LRRC4C: variants seen among roughly 807,000 people sequenced by gnomAD.
The protein encoded by LRRC4C is leucine rich repeat containing 4C, also known as leucine-rich repeat-containing protein 4C.
A neutral mutation model predicts 33.6 loss-of-function variants in LRRC4C; 5 were observed. The ratio of observed to expected loss-of-function variants is 0.15; its 90% CI spans 0.08 to 0.31. LRRC4C has a LOEUF of 0.31. Ranked by LOEUF, LRRC4C falls within the 10% of genes least tolerant of loss-of-function variation. The probability of loss-of-function intolerance (pLI) is 1.00; values close to 1 mark genes in which losing one functional copy is unlikely to be tolerated. For missense variants in LRRC4C, 560 were observed against 796.7 expected, an observed-to-expected ratio of 0.70 and a Z score of 3.58; for synonymous variants, 329 against 302.0, an observed-to-expected ratio of 1.09 and a Z score of -0.93.
intron 2 of LRRC4C, among the ~76,000 whole-genome samples, chr11:40,705,239 G>T (rs540712336): frequency 2.6e-5 from 4 of 151,988 alleles, no homozygotes; most frequent in African/African-American, 9.7e-5. Context: ...TAAGTTCTAG[G>T]ATACATGTGC....
intron 3 of LRRC4C, among the ~76,000 whole-genome samples, chr11:40,345,137 T>C (rs1590383287): frequency 6.6e-6 from 1 of 152,256 alleles, no homozygotes; most frequent in East Asian, 1.9e-4. Flanking sequence ...ATTGAATTTA[T>C]AGATTCAATG....
intron 1 of LRRC4C, among the ~76,000 whole-genome samples, chr11:41,240,177 A>G (rs1384058614): frequency 6.6e-6 from 1 of 152,212 alleles, no homozygotes; most frequent in African/African-American, 2.4e-5. Context: ...GGAAAACTTT[A>G]GATTTTTTGT....
chr11:40,387,599 A>G (rs1275013071), intron 3 of LRRC4C, among the ~76,000 whole-genome samples: 1 of 152,174 alleles, frequency 6.6e-6, no homozygotes, highest in African/African-American at 2.4e-5. Context: ...TGATTTCTGT[A>G]GACACTGAAG....
intron 5 of LRRC4C, among the ~76,000 whole-genome samples, chr11:40,180,754 T>C (rs1472976288): frequency 1.3e-5 from 2 of 152,232 alleles, no homozygotes; most frequent in Non-Finnish European, 2.9e-5. Context: ...GATGTTTGCA[T>C]GCATGTGTGT....
chr11:40,885,757 A>G (rs1187724502), intron 2 of LRRC4C, among the ~76,000 whole-genome samples: 1 of 152,150 alleles, frequency 6.6e-6, no homozygotes, highest in Admixed American at 6.6e-5. Flanking sequence ...TAGTCAGAGT[A>G]CTTATCATTC....
At chr11:40,680,493 G>C (rs1197330525) in intron 2 of LRRC4C, among the ~76,000 whole-genome samples, 1 of 152,178 alleles carries the variant, frequency 6.6e-6, no homozygotes, top group Admixed American at 6.5e-5. Context: ...CCTGTTGTTC[G>C]AGGGACCCAG....
At chr11:41,277,882 G>A (rs1352430351) in intron 1 of LRRC4C, among the ~76,000 whole-genome samples, 1 of 151,784 alleles carries the variant, frequency 6.6e-6, no homozygotes, top group East Asian at 1.9e-4. Flanking sequence ...GAATCACCTG[G>A]CATTTTGGTT....
At chr11:40,334,519 C>T (rs1393045340) in intron 3 of LRRC4C, among the ~76,000 whole-genome samples, 1 of 152,132 alleles carries the variant, frequency 6.6e-6, no homozygotes, top group Non-Finnish European at 1.5e-5. Context: ...TTGCTGTCTA[C>T]CTTCTATCTC....
intron 1 of LRRC4C, among the ~76,000 whole-genome samples, chr11:40,949,879 A>G (rs1209881499): frequency 6.6e-6 from 1 of 152,120 alleles, no homozygotes; most frequent in Non-Finnish European, 1.5e-5. Flanking sequence ...TTAACTTTAA[A>G]TGTAAAGGGA....
At chr11:41,392,601 G>T (rs941554363) in intron 1 of LRRC4C, among the ~76,000 whole-genome samples, 1 of 151,674 alleles carries the variant, frequency 6.6e-6, no homozygotes, top group African/African-American at 2.4e-5. Context: ...TAAGAATGTG[G>T]GTTTATTTGG....
At chr11:40,995,291 A>G (rs1054438964) in intron 1 of LRRC4C, among the ~76,000 whole-genome samples, 11 of 152,062 alleles carry the variant, frequency 7.2e-5, no homozygotes, top group Non-Finnish European at 1.5e-4. Flanking sequence ...CAGAGGGAAT[A>G]CCTTGTTCTT....
intron 3 of LRRC4C, among the ~76,000 whole-genome samples, chr11:40,536,826 T>C (rs1269723394): frequency 6.6e-6 from 1 of 152,114 alleles, no homozygotes; most frequent in Non-Finnish European, 1.5e-5. Flanking sequence ...TTTCTGTCAC[T>C]TCTTATTCCC....
chr11:40,258,530 C>T (rs1409012476), intron 4 of LRRC4C, among the ~76,000 whole-genome samples: 2 of 152,114 alleles, frequency 1.3e-5, no homozygotes, highest in African/African-American at 2.4e-5. Context: ...GTATCATTGG[C>T]AGGCTCTAGC....
chr11:41,422,219 G>A (rs1311997283), intron 1 of LRRC4C, among the ~76,000 whole-genome samples: 1 of 151,606 alleles, frequency 6.6e-6, no homozygotes, highest in Non-Finnish European at 1.5e-5. Context: ...TTTTTTTTCA[G>A]TATCTGATAA....
intron 2 of LRRC4C, among the ~76,000 whole-genome samples, chr11:40,732,267 A>G (rs1947625087): frequency 6.6e-6 from 1 of 152,172 alleles, no homozygotes; most frequent in South Asian, 2.1e-4. Context: ...CAGCTAACTC[A>G]AATTGTAGCT....
intron 2 of LRRC4C, among the ~76,000 whole-genome samples, chr11:40,916,140 G>A (rs1361717728): frequency 6.6e-6 from 1 of 152,160 alleles, no homozygotes; most frequent in Non-Finnish European, 1.5e-5. Context: ...TCAGTGTAGC[G>A]ATTCCTCAGG....
chr11:40,129,944 C>G (rs1856532065), intron 6 of LRRC4C, among the ~76,000 whole-genome samples: 1 of 151,994 alleles, frequency 6.6e-6, no homozygotes, highest in African/African-American at 2.4e-5. Flanking sequence ...TTTTTCCTGC[C>G]TGTTTACACT....
At chr11:40,476,339 C>CTCCT (rs1953221465) in intron 3 of LRRC4C, among the ~76,000 whole-genome samples, 1 of 121,576 alleles carries the variant, frequency 8.2e-6, no homozygotes. Context: ...CATTTTTTTT[C>CTCCT]TTCTTTTTTT....
chr11:40,725,101 C>CCTCAAGTG (rs1947221736), intron 2 of LRRC4C, among the ~76,000 whole-genome samples: 1 of 152,152 alleles, frequency 6.6e-6, no homozygotes. Flanking sequence ...AGAGCATAAC[C>CCTCAAGTG]ATTTATCTCC....
Sources: allele counts gnomAD v4.1 joint callset (sites outside exome capture counted in the v4.1 genomes callset), GRCh38; gene constraint gnomAD v4.1.1; transcripts MANE v1.5; gene names NCBI Gene and HGNC (gene_info 2026-07-23, HGNC 2026-07-21).